Variants in CDYL2 observed in about 807,000 individuals in gnomAD.
CDYL2 encodes the protein chromodomain Y like 2.
Under a neutral mutation model 49.4 loss-of-function variants are expected in CDYL2, and 23 were observed. That is an observed-to-expected ratio of 0.47 (90% CI 0.34 to 0.66). CDYL2 has a LOEUF of 0.66. Ranked by LOEUF, CDYL2 falls within the 30% of genes least tolerant of loss-of-function variation. CDYL2 has a pLI of 0.01. For synonymous variants in CDYL2, 360 were observed against 268.8 expected (o/e 1.34, Z -3.32); for missense variants, 678 against 656.4 (o/e 1.03, Z -0.36).
At position 80,660,135 on chromosome 16, in the gene CDYL2, T is replaced by C. The variant is rs550090492; in HGVS notation, c.616+24403A>G. On this transcript the variant is annotated intron_variant, in intron 2 of 6. Coordinates refer to ENST00000570137, the MANE Select transcript of CDYL2 (RefSeq NM_152342.4). The stretch of plus-strand genomic sequence containing the variant: ...CCACATAAATGGACATTTTCAGGTG[T>C]TCTAACACCAAGAAAATTTATCTAC... Among the ~76,000 whole-genome samples the C allele has an allele frequency of 2.6e-5, 4 of 152,144 alleles. No homozygotes were observed. The South Asian group carries it at 8.3e-4, about 32-fold the overall frequency.
intron 2 of CDYL2, among the ~76,000 whole-genome samples, chr16:80,637,628 C>T (rs186116401): frequency 2.8e-4 from 43 of 152,108 alleles, no homozygotes; most frequent in African/African-American, 8.4e-4. Context: ...TTGCACATAC[C>T]AGCAATGAGC....
At chr16:80,634,295 A>G (rs1012380130) in intron 2 of CDYL2, among the ~76,000 whole-genome samples, 1 of 152,192 alleles carries the variant, frequency 6.6e-6, no homozygotes, top group Non-Finnish European at 1.5e-5. Flanking sequence ...GCAAATATAC[A>G]CCATGGAATA....
At position 80,599,594 on chromosome 16, in the gene CDYL2, T is replaced by C. The variant is rs1905990525; in HGVS notation, c.*4794A>G. 6.6e-6 allele frequency: 1 copy of C among 152,234 alleles called. No individual in the cohort carries two copies. 9.4% of individuals were successfully genotyped at this position (152,234 alleles called of 1,614,324 possible). A position where few individuals can be genotyped will look rare whatever the true frequency, so the allele number is the denominator to read the frequency against. On this transcript the variant is annotated 3_prime_UTR_variant, in exon 7 of 7. Transcript: ENST00000570137. Reference sequence around the variant, plus strand: ...ACTGAGGACACATGGGAATGCTGATTGTGTAACTAAAATTGACTTCAGATT... The same window carrying C: ...ACTGAGGACACATGGGAATGCTGATCGTGTAACTAAAATTGACTTCAGATT...
chr16:80,775,885 T>C (rs1461265128), intron 1 of CDYL2, among the ~76,000 whole-genome samples: 1 of 151,418 alleles, frequency 6.6e-6, no homozygotes, highest in Non-Finnish European at 1.5e-5. Context: ...ATAAAATAAA[T>C]ATCAACTTTT....
In CDYL2 at chr16:80,804,243, G is replaced by A; in HGVS notation, c.-70C>T. The A allele has an allele frequency of 2.3e-6, 3 of 1,302,308 alleles. No individual in the cohort carries two copies. The highest frequency in any genetic ancestry group is 2.9e-5 in the South Asian group (2 of 69,178). 80.7% of individuals were successfully genotyped at this position (1,302,308 alleles called of 1,614,324 possible). A position where few individuals can be genotyped will look rare whatever the true frequency, so the allele number is the denominator to read the frequency against. On this transcript the variant is annotated 5_prime_UTR_variant, in exon 1 of 7. Transcript: ENST00000570137. ...TCGCGCCCTCCGTGCGTGTGCGCGC[G>A]GGGTCCGGTGTGCGCGTGTGTGTGC...
intron 4 of CDYL2, among the ~76,000 whole-genome samples, chr16:80,618,920 G>T (rs910786983): frequency 6.6e-6 from 1 of 152,174 alleles, no homozygotes; most frequent in Admixed American, 6.5e-5. Context: ...GTTTCCCAGG[G>T]AACAGTCACC....
chr16:80,737,206 C>G (rs1018260751), intron 1 of CDYL2, among the ~76,000 whole-genome samples: 12 of 152,168 alleles, frequency 7.9e-5, no homozygotes, highest in African/African-American at 2.9e-4. Context: ...CCCATGTAGA[C>G]TGCTGTTCCA....
At chr16:80,653,187 T>G (rs537723256) in intron 2 of CDYL2, among the ~76,000 whole-genome samples, 13 of 152,360 alleles carry the variant, frequency 8.5e-5, no homozygotes, top group African/African-American at 3.1e-4. Context: ...GAAATTTGGC[T>G]GGGCGCGATG....
At chr16:80,766,466 T>C (rs1231682913) in intron 1 of CDYL2, among the ~76,000 whole-genome samples, 1 of 152,168 alleles carries the variant, frequency 6.6e-6, no homozygotes, top group Admixed American at 6.5e-5. Flanking sequence ...TCAATGAAAA[T>C]GGCATTCTCC....
chr16:80,759,181 GTATA>G (rs370401562), intron 1 of CDYL2, among the ~76,000 whole-genome samples: 4 of 118,668 alleles, frequency 3.4e-5, no homozygotes, highest in African/African-American at 1.1e-4. Flanking sequence ...TATATGGTGT[GTATA>G]TATATATATA....
intron 1 of CDYL2, among the ~76,000 whole-genome samples, chr16:80,771,730 C>CAA (rs11362902): frequency 2.9e-5 from 4 of 139,820 alleles, no homozygotes; most frequent in South Asian, 4.6e-4. Flanking sequence ...ATTTCAAAAG[C>CAA]AAAAAAAAAA....
At chr16:80,674,312 A>T (rs1256474033) in intron 2 of CDYL2, among the ~76,000 whole-genome samples, 1 of 152,048 alleles carries the variant, frequency 6.6e-6, no homozygotes, top group East Asian at 1.9e-4. Flanking sequence ...GCTGTCGAGG[A>T]AATTCAATGC....
chr16:80,668,769 G>A (rs1355643937), intron 2 of CDYL2, among the ~76,000 whole-genome samples: 1 of 151,840 alleles, frequency 6.6e-6, no homozygotes, highest in East Asian at 1.9e-4. Context: ...CACGGGGGTG[G>A]GCACCTGTAA....
At chr16:80,713,722 C>T (rs751319622) in intron 1 of CDYL2, among the ~76,000 whole-genome samples, 10 of 152,082 alleles carry the variant, frequency 6.6e-5, no homozygotes, top group Non-Finnish European at 1.2e-4. Context: ...TTGAGACTGT[C>T]GTGGCCATAG....
At chr16:80,769,992 A>G (rs1906853539) in intron 1 of CDYL2, among the ~76,000 whole-genome samples, 1 of 152,222 alleles carries the variant, frequency 6.6e-6, no homozygotes, top group Non-Finnish European at 1.5e-5. Flanking sequence ...AGAAAGTGTC[A>G]GGTTTTACAA....
chr16:80,703,799 G>T (rs527314703), intron 1 of CDYL2, among the ~76,000 whole-genome samples: 1 of 152,080 alleles, frequency 6.6e-6, no homozygotes, highest in African/African-American at 2.4e-5. Flanking sequence ...CTTGACCTCT[G>T]ATTCCAGACC....
intron 1 of CDYL2, among the ~76,000 whole-genome samples, chr16:80,781,189 A>G (rs1907255498): frequency 6.6e-6 from 1 of 152,216 alleles, no homozygotes; most frequent in Non-Finnish European, 1.5e-5. Context: ...AGAAAAGAAC[A>G]TGCTAGAAAA....
At chr16:80,756,642 C>G (rs1287720306) in intron 1 of CDYL2, among the ~76,000 whole-genome samples, 1 of 151,990 alleles carries the variant, frequency 6.6e-6, no homozygotes. Context: ...GAACACTTTT[C>G]CACTCATTTT....
chr16:80,722,600 G>A (rs968151365), intron 1 of CDYL2, among the ~76,000 whole-genome samples: 1 of 152,160 alleles, frequency 6.6e-6, no homozygotes, highest in Non-Finnish European at 1.5e-5. Context: ...CTATTTTACA[G>A]ATTAGAAAAC....
Sources: gnomAD v4.1 joint callset for allele counts (sites outside exome capture counted in the v4.1 genomes callset) on GRCh38, gnomAD v4.1.1 for gene constraint, MANE v1.5 for transcripts, NCBI Gene and HGNC (gene_info 2026-07-23, HGNC 2026-07-21) for gene names.